Variants in NTF3 observed in about 807,000 individuals in gnomAD.
The protein encoded by NTF3 is neurotrophin 3.
NTF3 carries 8 observed loss-of-function variants against 26.3 expected under a neutral mutation model. That is an observed-to-expected ratio of 0.30 (90% CI 0.18 to 0.55). The LOEUF (loss-of-function observed/expected upper bound fraction) is 0.55, where lower values mean the gene tolerates loss of function less well. Among genes scored for constraint, NTF3 ranks in the 20% least tolerant of loss-of-function variants. The probability of loss-of-function intolerance (pLI) is 0.93; values close to 1 mark genes in which losing one functional copy is unlikely to be tolerated. For synonymous variants in NTF3, 154 were observed against 145.5 expected, an observed-to-expected ratio of 1.06 and a Z score of -0.42; for missense variants, 276 against 352.9, an observed-to-expected ratio of 0.78 and a Z score of 1.75.
intron 1 of NTF3, among the ~76,000 whole-genome samples, chr12:5,436,843 G>C (rs1419901838): frequency 6.6e-6 from 1 of 152,198 alleles, no homozygotes; most frequent in Admixed American, 6.5e-5. Flanking sequence ...AGATCTTTGA[G>C]CTATTCAGAG....
chr12:5,492,681 A>G (rs936370604), intron 1 of NTF3, among the ~76,000 whole-genome samples: 3 of 152,194 alleles, frequency 2.0e-5, no homozygotes, highest in Non-Finnish European at 4.4e-5. Context: ...TGGAAAGAAG[A>G]TGGTCTCCTT....
At chr12:5,437,573 C>G (rs1222073164) in intron 1 of NTF3, among the ~76,000 whole-genome samples, 4 of 152,158 alleles carry the variant, frequency 2.6e-5, no homozygotes, top group African/African-American at 9.7e-5. Context: ...TGTGCATTGC[C>G]TGGAAGTGAG....
intron 1 of NTF3, among the ~76,000 whole-genome samples, chr12:5,489,754 C>T (rs1444120065): frequency 6.6e-6 from 1 of 152,140 alleles, no homozygotes; most frequent in Non-Finnish European, 1.5e-5. Flanking sequence ...AGTCTCTGCA[C>T]GTGACAGGGC....
At chr12:5,457,579 A>T (rs1041203294) in intron 1 of NTF3, among the ~76,000 whole-genome samples, 4 of 152,036 alleles carry the variant, frequency 2.6e-5, no homozygotes, top group African/African-American at 9.7e-5. Context: ...CACTCTCCAT[A>T]GCCTATTCTA....
At chr12:5,484,946 A>G (rs541470581) in intron 1 of NTF3, among the ~76,000 whole-genome samples, 44 of 152,324 alleles carry the variant, frequency 2.9e-4, no homozygotes, top group East Asian at 5.8e-4. Context: ...AACCTACATT[A>G]TTTTGTTTCT....
intron 1 of NTF3, among the ~76,000 whole-genome samples, chr12:5,488,443 C>A (rs371436392): frequency 6.6e-6 from 1 of 152,152 alleles, no homozygotes; most frequent in African/African-American, 2.4e-5. Context: ...CAATCCCCAG[C>A]GGAGGCTCCA....
At chr12:5,436,897 A>G (rs1940174809) in intron 1 of NTF3, among the ~76,000 whole-genome samples, 1 of 152,258 alleles carries the variant, frequency 6.6e-6, no homozygotes, top group Non-Finnish European at 1.5e-5. Context: ...TCAGAGACAG[A>G]CATTTCTTTA....
chr12:5,440,329 G>A (rs1366812393), intron 1 of NTF3, among the ~76,000 whole-genome samples: 1 of 152,094 alleles, frequency 6.6e-6, no homozygotes, highest in Non-Finnish European at 1.5e-5. Flanking sequence ...TTCATATGGA[G>A]TATATAGCCT....
intron 1 of NTF3, among the ~76,000 whole-genome samples, chr12:5,442,032 C>T (rs968683810): frequency 2.0e-5 from 3 of 152,196 alleles, no homozygotes; most frequent in Admixed American, 2.0e-4. Flanking sequence ...ACAGATTATT[C>T]ATTAAGCAGT....
In NTF3 at chr12:5,433,505, C is replaced by G. The variant is rs1940127472; in HGVS notation, c.18+1163C>G. ...GAGTAGGATTCTGCTTGTTGCTCTC[C>G]GCGGGAGTGGGTGCGCGTCCAGGAG... On this transcript the variant is annotated intron_variant, in intron 1 of 1. Coordinates refer to ENST00000423158, the MANE Select transcript of NTF3 (RefSeq NM_001102654.2). This position sits in a 1 kb window ranked among gnomAD's most constrained non-coding sequence, Gnocchi z 4.6. 6.6e-6 allele frequency among the ~76,000 whole-genome samples: 1 copy of G among 152,028 alleles called. No individual in the cohort carries two copies. The highest frequency in any genetic ancestry group is 2.1e-4 in the South Asian group (1 of 4,806).
Position 5,448,279 on chromosome 12 carries a change from C to T in NTF3, c.18+15937C>T, listed in dbSNP as rs147194701. On this transcript the variant is annotated intron_variant, in intron 1 of 1. Coordinates refer to ENST00000423158, the MANE Select transcript of NTF3 (RefSeq NM_001102654.2). ...TATGTCTTTGAGATTATTAAATACT[C>T]ATGCTCCTTTCTGATTGCTGTTTTC... Among the ~76,000 whole-genome samples, 210 of 152,318 alleles carry T rather than the reference C, an allele frequency of 1.4e-3. 1 individual carries two copies. Among genetic ancestry groups the T allele is most frequent in the African/African-American group, 4.7e-3 (197 of 41,564 alleles).
intron 1 of NTF3, among the ~76,000 whole-genome samples, chr12:5,491,844 C>T (rs1433872645): frequency 6.6e-6 from 1 of 151,520 alleles, no homozygotes; most frequent in Non-Finnish European, 1.5e-5. Context: ...CTCAGCCTCC[C>T]GAGTAGCTGG....
chr12:5,438,037 G>A (rs1030968285), intron 1 of NTF3, among the ~76,000 whole-genome samples: 5 of 152,052 alleles, frequency 3.3e-5, no homozygotes, highest in Non-Finnish European at 7.4e-5. Context: ...TGAGAAAAAA[G>A]TTGGGGACAC....
chr12:5,470,732 C>G (rs1470281652), intron 1 of NTF3, among the ~76,000 whole-genome samples: 1 of 152,186 alleles, frequency 6.6e-6, no homozygotes, highest in Non-Finnish European at 1.5e-5. Context: ...TCGGCCTGCC[C>G]ATACCTGTCC....
At chr12:5,476,894 A>AT (rs1221207965) in intron 1 of NTF3, among the ~76,000 whole-genome samples, 1 of 152,142 alleles carries the variant, frequency 6.6e-6, no homozygotes, top group East Asian at 1.9e-4. Context: ...ATGCATAGAG[A>AT]TTTTTTTATT....
At chr12:5,490,993 T>C (rs1591609317) in intron 1 of NTF3, among the ~76,000 whole-genome samples, 1 of 152,372 alleles carries the variant, frequency 6.6e-6, no homozygotes, top group East Asian at 1.9e-4. Flanking sequence ...GCTCACTCTG[T>C]ACCTGATGCT....
chr12:5,464,623 T>G (rs1940566292), intron 1 of NTF3, among the ~76,000 whole-genome samples: 1 of 152,160 alleles, frequency 6.6e-6, no homozygotes. Flanking sequence ...GGCCTGAGAA[T>G]CTGCATACTA....
chr12:5,485,692 G>T (rs1389507980), intron 1 of NTF3, among the ~76,000 whole-genome samples: 1 of 152,208 alleles, frequency 6.6e-6, no homozygotes, highest in Non-Finnish European at 1.5e-5. Context: ...GACAAGCTCT[G>T]GGTTGGTTTT....
Position 5,462,257 on chromosome 12 carries a change from A to G in NTF3, c.18+29915A>G, listed in dbSNP as rs528080797. On this transcript the variant is annotated intron_variant, in intron 1 of 1. Transcript: ENST00000423158. ...TCCACATAGGTCTCTAAGTAGCTATATACCAATTACTTTGATTTAGAACTT... is the reference window on the plus strand; with the variant it reads ...TCCACATAGGTCTCTAAGTAGCTATGTACCAATTACTTTGATTTAGAACTT... 2.2e-4 allele frequency among the ~76,000 whole-genome samples: 34 copies of G among 152,354 alleles called. No individual in the cohort carries two copies. The Middle Eastern group carries it at 0.01, about 46-fold the overall frequency.
Sources: allele counts gnomAD v4.1 joint callset (sites outside exome capture counted in the v4.1 genomes callset), GRCh38; gene constraint gnomAD v4.1.1; non-coding constraint Gnocchi (gnomAD v3.1); transcripts MANE v1.5; gene names NCBI Gene and HGNC (gene_info 2026-07-23, HGNC 2026-07-21).